PSD2: variants seen among roughly 807,000 people sequenced by gnomAD.
The protein encoded by PSD2 is pleckstrin and Sec7 domain containing 2.
PSD2 carries 38 observed loss-of-function variants against 69.8 expected under a neutral mutation model. The ratio of observed to expected loss-of-function variants is 0.54; its 90% confidence interval spans 0.42 to 0.71. PSD2 has a LOEUF of 0.71. Ranked by LOEUF, PSD2 falls within the 30% of genes least tolerant of loss-of-function variation. The pLI is 0.00. For missense variants in PSD2, 943 were observed against 1,014.5 expected (o/e 0.93, Z 0.96); for synonymous variants, 412 against 423.0 (o/e 0.97, Z 0.32).
At chr5:139,828,474 C>G (rs1760486423) in intron 7 of PSD2, among the ~76,000 whole-genome samples, 1 of 152,208 alleles carries the variant, frequency 6.6e-6, no homozygotes, top group African/African-American at 2.4e-5. Context: ...GGTTTGGATG[C>G]TATCCTGAGG....
At chr5:139,795,487 G>C (rs1759495191), upstream of PSD2, among the ~76,000 whole-genome samples, 1 of 152,158 alleles carries the variant, frequency 6.6e-6, no homozygotes, top group South Asian at 2.1e-4. The surrounding 1 kb of genome is among the most constrained non-coding windows in gnomAD (Gnocchi z 4.5). Flanking sequence ...GGAGGGCGGA[G>C]GTGGTTGGGT....
chr5:139,796,233 C>G (rs958954741), intron 1 of PSD2, among the ~76,000 whole-genome samples: 1 of 152,176 alleles, frequency 6.6e-6, no homozygotes, highest in African/African-American at 2.4e-5. Flanking sequence ...AGAGGGGGCG[C>G]CGCGGGAAAG....
chr5:139,795,227 GT>G (rs897160705), upstream of PSD2, among the ~76,000 whole-genome samples: 36 of 152,114 alleles, frequency 2.4e-4, no homozygotes, highest in African/African-American at 8.4e-4. The surrounding 1 kb of genome is among the most constrained non-coding windows in gnomAD (Gnocchi z 4.5). Flanking sequence ...CCAGGTCTCC[GT>G]CCCGTCCCGT....
upstream of PSD2, among the ~76,000 whole-genome samples, chr5:139,794,284 C>T (rs746073737): frequency 1.3e-5 from 2 of 152,144 alleles, no homozygotes; most frequent in Non-Finnish European, 2.9e-5. Context: ...ATCTGTAAAA[C>T]GGGTTGTAGG....
the PSD2 span, among the ~76,000 whole-genome samples, chr5:139,782,413 A>T: frequency 6.6e-6 from 1 of 150,768 alleles, no homozygotes; most frequent in Non-Finnish European, 1.5e-5. Context: ...CAAACTCCTG[A>T]CCTCAGGTGA....
At chr5:139,787,032 G>T in the PSD2 span, among the ~76,000 whole-genome samples, 2 of 152,150 alleles carry the variant, frequency 1.3e-5, no homozygotes, top group Non-Finnish European at 2.9e-5. Context: ...CATCCGAACC[G>T]GGGAGTGAGG....
chr5:139,813,394 A>G lies in PSD2; in HGVS notation c.457A>G (p.Thr153Ala). The G allele has an allele frequency of 6.2e-7, 1 of 1,612,388 alleles. No homozygotes were observed. The change falls in exon 3 of 15, where the codon ACC (threonine) becomes GCC (alanine). Residue 153 changes from threonine (T) to alanine (A), a missense_variant. Transcript: ENST00000274710. ...TCTGGAGTCAGAGCTGCTGCGGGGC[A>G]CCCAGTACAGCAGCCTCGACTCCCT... is the stretch of plus-strand genomic sequence containing the variant. ...KILESELLRG[T>A]QYSSLDSLDG... is the part of the protein sequence containing the mutation.
Position 139,837,761 on chromosome 5 carries a change from G to A in PSD2, c.1802G>A (p.Arg601Lys). 6.2e-7 allele frequency: 1 copy of A among 1,612,630 alleles called. No individual in the cohort carries two copies. The highest frequency in any genetic ancestry group is 8.5e-7 in the Non-Finnish European group (1 of 1,178,828). ...NVLKLKTADW[R>K]VFLFQAPSKE... is the part of the protein sequence containing the mutation. ...CTGAAGCTTAAGACAGCCGACTGGA[G>A]GGTATTCCTCTTCCAGGCACCGTGA... Residue 601 changes from arginine (R) to lysine (K), a missense_variant, in exon 12 of 15, where the codon AGG becomes AAG. Transcript: ENST00000274710. This position sits in a 1 kb window ranked among gnomAD's most constrained non-coding sequence, Gnocchi z 5.0.
chr5:139,767,024 G>T, the PSD2 span, among the ~76,000 whole-genome samples: 10 of 128,212 alleles, frequency 7.8e-5, no homozygotes, highest in African/African-American at 2.1e-4. Context: ...TCAGAGTCTC[G>T]CTCTGTCACC....
intron 1 of PSD2, among the ~76,000 whole-genome samples, chr5:139,796,264 C>T (rs971773819): frequency 6.6e-6 from 1 of 152,310 alleles, no homozygotes; most frequent in East Asian, 1.9e-4. Context: ...GCCTGAGGGA[C>T]GGTGGGGGCT....
At chr5:139,830,437 A>G (rs1760545322) in intron 7 of PSD2, among the ~76,000 whole-genome samples, 2 of 148,108 alleles carry the variant, frequency 1.4e-5, no homozygotes, top group South Asian at 2.1e-4. Context: ...TGCAGCCTCA[A>G]CCGCCTGGGC....
At chr5:139,812,170 A>C (rs952269709) in intron 2 of PSD2, among the ~76,000 whole-genome samples, 3 of 152,196 alleles carry the variant, frequency 2.0e-5, no homozygotes, top group African/African-American at 7.2e-5. Context: ...ACCGACGATA[A>C]ATATTAAAAC....
chr5:139,835,809 C>T, intron 9 of PSD2, 43 bp downstream of exon 9: 1 of 1,594,372 alleles, frequency 6.3e-7, no homozygotes, highest in Non-Finnish European at 8.6e-7. Flanking sequence ...GCATACATCC[C>T]TGGGTGGGGG....
At chr5:139,765,456 C>T in the PSD2 span, among the ~76,000 whole-genome samples, 1 of 152,232 alleles carries the variant, frequency 6.6e-6, no homozygotes, top group Non-Finnish European at 1.5e-5. Flanking sequence ...TAGTTCCCCA[C>T]CTCTTCGTAC....
chr5:139,754,726 A>G, the PSD2 span, among the ~76,000 whole-genome samples: 4 of 151,944 alleles, frequency 2.6e-5, no homozygotes, highest in African/African-American at 9.7e-5. Context: ...AAGTTAAAAA[A>G]AATTAGCCAG....
chr5:139,797,640 G>T (rs1355147731), intron 1 of PSD2, among the ~76,000 whole-genome samples: 1 of 152,226 alleles, frequency 6.6e-6, no homozygotes, highest in Non-Finnish European at 1.5e-5. Flanking sequence ...CTGAGAGAGA[G>T]AGTGTGGCTG....
At chr5:139,799,916 T>C (rs1453276183) in intron 1 of PSD2, among the ~76,000 whole-genome samples, 3 of 152,120 alleles carry the variant, frequency 2.0e-5, no homozygotes, top group African/African-American at 7.2e-5. Flanking sequence ...TTTGAGTGTA[T>C]GAGGTCTGAG....
intron 7 of PSD2, among the ~76,000 whole-genome samples, chr5:139,823,835 G>A (rs1006929556): frequency 6.6e-6 from 1 of 152,258 alleles, no homozygotes. Flanking sequence ...GACCCAGCCT[G>A]CAGGCCCCTG....
intron 9 of PSD2, 59 bp downstream of exon 9, chr5:139,835,825 G>C (rs1487461774): frequency 3.3e-6 from 5 of 1,536,904 alleles, no homozygotes; most frequent in African/African-American, 2.7e-5. Flanking sequence ...GGGGGAGTGT[G>C]GGGGTGCAGG....
Sources: allele counts gnomAD v4.1 joint callset (sites outside exome capture counted in the v4.1 genomes callset), GRCh38; gene constraint gnomAD v4.1.1; non-coding constraint Gnocchi (gnomAD v3.1); transcripts MANE v1.5; gene names NCBI Gene and HGNC (gene_info 2026-07-23, HGNC 2026-07-21).